NYAP2: variants seen among roughly 807,000 people sequenced by gnomAD.
NYAP2 encodes the protein neuronal tyrosine-phosphorylated phosphoinositide-3-kinase adaptor 2, also known as neuronal tyrosine-phosphorylated phosphoinositide-3-kinase adapter 2.
In NYAP2, 23 loss-of-function variants were observed where a neutral mutation model predicts 50.4. The ratio of observed to expected loss-of-function variants is 0.46; its 90% CI spans 0.33 to 0.65. The LOEUF (loss-of-function observed/expected upper bound fraction) is 0.65. Among genes scored for constraint, NYAP2 ranks in the 30% least tolerant of loss-of-function variants. The pLI, the probability that NYAP2 is intolerant of heterozygous loss-of-function variation, is 0.02. For synonymous variants in NYAP2, 394 were observed against 365.2 expected, an observed-to-expected ratio of 1.08 and a Z score of -0.90; for missense variants, 885 against 861.0, an observed-to-expected ratio of 1.03 and a Z score of -0.35.
chr2:225,570,491 A>G (rs559007757), intron 4 of NYAP2, among the ~76,000 whole-genome samples: 4 of 152,346 alleles, frequency 2.6e-5, no homozygotes, highest in African/African-American at 9.6e-5. Flanking sequence ...ACTTACAGTC[A>G]TGGTGGATGG....
At chr2:225,557,051 AAC>A (rs1260873571) in intron 4 of NYAP2, among the ~76,000 whole-genome samples, 1 of 152,152 alleles carries the variant, frequency 6.6e-6, no homozygotes, top group African/African-American at 2.4e-5. Context: ...GCCAAAGCAA[AAC>A]ACACATATCT....
chr2:225,437,215 A>C (rs1340011798), intron 3 of NYAP2, among the ~76,000 whole-genome samples: 1 of 152,106 alleles, frequency 6.6e-6, no homozygotes, highest in Non-Finnish European at 1.5e-5. Context: ...CGGGCACATC[A>C]CAGGTAGTCA....
intron 4 of NYAP2, among the ~76,000 whole-genome samples, chr2:225,524,553 A>G (rs377525589): frequency 3.9e-5 from 6 of 152,166 alleles, no homozygotes; most frequent in East Asian, 1.9e-4. Context: ...AGTATTAACC[A>G]TCACAAAGCT....
intron 3 of NYAP2, among the ~76,000 whole-genome samples, chr2:225,441,905 C>T (rs1689476255): frequency 6.6e-6 from 1 of 152,196 alleles, no homozygotes; most frequent in Admixed American, 6.5e-5. Context: ...CTATGTCATA[C>T]ATACCCATGT....
intron 4 of NYAP2, among the ~76,000 whole-genome samples, chr2:225,522,701 T>A (rs937637503): frequency 6.6e-6 from 1 of 152,160 alleles, no homozygotes; most frequent in African/African-American, 2.4e-5. Flanking sequence ...CTTTCTTTCT[T>A]GTTGCTTACA....
At chr2:225,485,633 T>C (rs1282923667) in intron 3 of NYAP2, among the ~76,000 whole-genome samples, 1 of 152,178 alleles carries the variant, frequency 6.6e-6, no homozygotes, top group Non-Finnish European at 1.5e-5. Context: ...CCTGTTGTAT[T>C]CATTTATCCA....
At chr2:225,547,776 T>A (rs1273772691) in intron 4 of NYAP2, among the ~76,000 whole-genome samples, 2 of 152,220 alleles carry the variant, frequency 1.3e-5, no homozygotes, top group African/African-American at 4.8e-5. Flanking sequence ...CCAGGTGCTA[T>A]CATTGCTCAC....
Position 225,539,123 on chromosome 2 carries a change from G to C in NYAP2, c.523+25451G>C, listed in dbSNP as rs145617435. ...TAGTTTTCTGTTCCTGTGTTAGTTT[G>C]CTGAGAATGATGATTTCTAGCTTCA... On this transcript the variant is annotated intron_variant, in intron 4 of 6. Transcript: ENST00000636099. Among the ~76,000 whole-genome samples the C allele has an allele frequency of 1.0e-3, 155 of 152,132 alleles. 1 individual carries two copies. In the East Asian group the frequency reaches 0.02, roughly 20 times the overall value.
At chr2:225,528,676 A>C (rs1309296565) in intron 4 of NYAP2, among the ~76,000 whole-genome samples, 1 of 152,190 alleles carries the variant, frequency 6.6e-6, no homozygotes, top group East Asian at 1.9e-4. Flanking sequence ...CTAAATCCCT[A>C]GAGAGTTGTG....
intron 4 of NYAP2, among the ~76,000 whole-genome samples, chr2:225,528,951 G>T (rs1217429494): frequency 6.6e-6 from 1 of 152,188 alleles, no homozygotes; most frequent in Non-Finnish European, 1.5e-5. Flanking sequence ...AGACGAAGTG[G>T]AGAAAGGGCA....
intron 4 of NYAP2, among the ~76,000 whole-genome samples, chr2:225,563,289 G>A (rs1422055876): frequency 6.6e-6 from 1 of 152,130 alleles, no homozygotes; most frequent in Non-Finnish European, 1.5e-5. Context: ...AGGTCCTTGA[G>A]TGAACATTAA....
intron 6 of NYAP2, among the ~76,000 whole-genome samples, chr2:225,638,949 C>G (rs1354891919): frequency 3.3e-5 from 5 of 152,074 alleles, no homozygotes; most frequent in Non-Finnish European, 5.9e-5. Context: ...AGAAGTGTTT[C>G]CTTGAGATAA....
At chr2:225,576,222 T>C (rs1304339164) in intron 4 of NYAP2, among the ~76,000 whole-genome samples, 2 of 152,232 alleles carry the variant, frequency 1.3e-5, no homozygotes, top group African/African-American at 4.8e-5. Context: ...TTGAGCCAGT[T>C]CCATGCCTTA....
Position 225,495,991 on chromosome 2 carries a change from A to G in NYAP2, c.222-17380A>G, listed in dbSNP as rs186622596. On this transcript the variant is annotated intron_variant, in intron 3 of 6. Transcript: ENST00000636099. ...ACACACCTGTGCTCATCACATTACC[A>G]CTTCAAGGATAAGCATGTTGAAGGT... is the stretch of plus-strand genomic sequence containing the variant. Among the ~76,000 whole-genome samples the G allele has an allele frequency of 1.5e-4, 23 of 152,306 alleles. No individual in the cohort carries two copies. The East Asian group carries it at 3.9e-3, about 26-fold the overall frequency.
intron 5 of NYAP2, among the ~76,000 whole-genome samples, chr2:225,620,892 G>C (rs558739069): frequency 6.6e-4 from 100 of 152,260 alleles, no homozygotes; most frequent in African/African-American, 2.2e-3. Context: ...AAGGTGGGTG[G>C]ATCACGAGGG....
intron 3 of NYAP2, among the ~76,000 whole-genome samples, chr2:225,488,836 A>G (rs1019423554): frequency 6.6e-6 from 1 of 152,236 alleles, no homozygotes; most frequent in Non-Finnish European, 1.5e-5. Context: ...AAGTCATGAA[A>G]TGAATTCTTC....
intron 4 of NYAP2, among the ~76,000 whole-genome samples, chr2:225,556,984 A>G (rs985183432): frequency 2.0e-5 from 3 of 152,214 alleles, no homozygotes; most frequent in Non-Finnish European, 4.4e-5. Context: ...TCTGAGGCCT[A>G]GACTAAGTAG....
the NYAP2 span, among the ~76,000 whole-genome samples, chr2:225,692,248 C>A: frequency 1.3e-5 from 2 of 152,038 alleles, no homozygotes; most frequent in African/African-American, 4.8e-5. Flanking sequence ...TGAAATACTC[C>A]AAGTGCTTAT....
the NYAP2 span, chr2:225,703,591 A>G: frequency 4.0e-5 from 6 of 151,844 alleles, no homozygotes; most frequent in South Asian, 1.2e-3. Flanking sequence ...ATATTTTACA[A>G]TACTTTTTGT....
Sources: gnomAD v4.1 joint callset for allele counts (sites outside exome capture counted in the v4.1 genomes callset) on GRCh38, gnomAD v4.1.1 for gene constraint, MANE v1.5 for transcripts, NCBI Gene and HGNC (gene_info 2026-07-23, HGNC 2026-07-21) for gene names.